Variants in BRIP1 observed in about 807,000 individuals in gnomAD.
The protein encoded by BRIP1 is BRCA1 interacting DNA helicase 1.
A neutral mutation model predicts 119.7 loss-of-function variants in BRIP1; 88 were observed. The ratio of observed to expected loss-of-function variants is 0.74; its 90% CI spans 0.62 to 0.88. The LOEUF is 0.88. Ranked by LOEUF, BRIP1 falls within the 40% of genes least tolerant of loss-of-function variation. The pLI is 0.00. For missense variants in BRIP1, 1,259 were observed against 1,455.4 expected (o/e 0.87, Z 2.20); for synonymous variants, 443 against 496.5 (o/e 0.89, Z 1.43).
At chr17:61,835,810 T>C (rs1430836123) in intron 6 of BRIP1, among the ~76,000 whole-genome samples, 2 of 152,150 alleles carry the variant, frequency 1.3e-5, no homozygotes, top group Non-Finnish European at 2.9e-5. Context: ...TAAGTGACAC[T>C]GGGACAACTG....
In BRIP1 at chr17:61,862,604, A is replaced by AT. The variant is rs1266314777; in HGVS notation, c.-31+679dup. Among the ~76,000 whole-genome samples, 1 of 152,220 alleles carries AT rather than the reference A, an allele frequency of 6.6e-6. No individual in the cohort carries two copies. Among genetic ancestry groups the AT allele is most frequent in the East Asian group, 1.9e-4 (1 of 5,204 alleles). On this transcript the variant is annotated intron_variant, in intron 1 of 19. Transcript: ENST00000259008. This position sits in a 1 kb window ranked among gnomAD's most constrained non-coding sequence, Gnocchi z 5.3. ...AGCATAAGTTTCTGTACATGATTGC[A>AT]TTTTTCTGAAGAAAAAGTCCATAGA...
intron 16 of BRIP1, among the ~76,000 whole-genome samples, chr17:61,723,626 G>A (rs536581460): frequency 1.3e-5 from 2 of 152,308 alleles, no homozygotes; most frequent in African/African-American, 4.8e-5. Flanking sequence ...CTGAGCTCAA[G>A]TGTGGTTTGG....
At position 61,845,266 on chromosome 17, in the gene BRIP1, T is replaced by C. The variant is rs1446923244; in HGVS notation, c.627+1835A>G. Among the ~76,000 whole-genome samples, 1 of 152,166 alleles carries C rather than the reference T, an allele frequency of 6.6e-6. No individual in the cohort carries two copies. The highest frequency in any genetic ancestry group is 1.5e-5 in the Non-Finnish European group (1 of 68,028). On this transcript the variant is annotated intron_variant, in intron 6 of 19. Coordinates refer to ENST00000259008, the MANE Select transcript of BRIP1 (RefSeq NM_032043.3). The surrounding 1 kb of genome is among the most constrained non-coding windows in gnomAD (Gnocchi z 4.2). ...AACAAAACACAAATTAAATGTACAG[T>C]AACTGAAAACAAATCTGTGGTTGCC...
At position 61,686,908 on chromosome 17, in the gene BRIP1, A is replaced by T. The variant is rs146450016; in HGVS notation, c.2576-743T>A. On this transcript the variant is annotated intron_variant, in intron 18 of 19. Coordinates refer to ENST00000259008, the MANE Select transcript of BRIP1 (RefSeq NM_032043.3). This position sits in a 1 kb window ranked among gnomAD's most constrained non-coding sequence, Gnocchi z 5.4. ...AATATTCCCTGCTAACACTACTAAA[A>T]CTAGCATCATCTTTTGGAGGAATTA... Among the ~76,000 whole-genome samples the T allele has an allele frequency of 3.9e-5, 6 of 152,272 alleles. No individual in the cohort carries two copies. The East Asian group carries it at 1.2e-3, about 29-fold the overall frequency.
At position 61,806,805 on chromosome 17, in the gene BRIP1, C is replaced by T. The variant is rs2078080337; in HGVS notation, c.918+1662G>A. On this transcript the variant is annotated intron_variant, in intron 7 of 19. Transcript: ENST00000259008. The surrounding 1 kb of genome is among the most constrained non-coding windows in gnomAD (Gnocchi z 4.9). ...CTCTGCCTCCTGGGTTCAAGCGATT[C>T]TCATGCCTCAGCCTCCCAAGTAGCT... Among the ~76,000 whole-genome samples the T allele has an allele frequency of 6.6e-6, 1 of 152,298 alleles. No individual in the cohort carries two copies. The highest frequency in any genetic ancestry group is 2.1e-4 in the South Asian group (1 of 4,830).
rs887817840 is a variant in BRIP1 at position 61,705,063 on chromosome 17, A to G, written c.2492+10888T>C. On this transcript the variant is annotated intron_variant, in intron 17 of 19. Coordinates refer to ENST00000259008, the MANE Select transcript of BRIP1 (RefSeq NM_032043.3). The surrounding 1 kb of genome is among the most constrained non-coding windows in gnomAD (Gnocchi z 5.0). ...AAAGCAAGCATAGAACACAATAGGTAGTTTTTCAACCCTTGCTTCCCTCCT... is the reference window on the plus strand; with the variant it reads ...AAAGCAAGCATAGAACACAATAGGTGGTTTTTCAACCCTTGCTTCCCTCCT... Among the ~76,000 whole-genome samples, 9 of 152,164 alleles carry G rather than the reference A, an allele frequency of 5.9e-5. No individual in the cohort carries two copies. Among genetic ancestry groups the G allele is most frequent in the African/African-American group, 2.2e-4 (9 of 41,450 alleles).
intron 10 of BRIP1, among the ~76,000 whole-genome samples, chr17:61,785,375 C>T (rs971495631): frequency 3.3e-5 from 5 of 151,882 alleles, no homozygotes; most frequent in African/African-American, 4.8e-5. Flanking sequence ...GAGTATGTTC[C>T]CCACATTGTA....
rs951668564 is a variant in BRIP1 at position 61,680,144 on chromosome 17, A to T, written c.*3152T>A. Among the ~76,000 whole-genome samples, 6 of 150,982 alleles carry T rather than the reference A, an allele frequency of 4.0e-5. No homozygotes were observed. The highest frequency in any genetic ancestry group is 4.2e-4 in the South Asian group (2 of 4,754). ...GATCACTTGAGGTCAGGAGTTTGAGACCAGCCTGGCCAACATGGTGAAACC... is the reference window on the plus strand; with the variant it reads ...GATCACTTGAGGTCAGGAGTTTGAGTCCAGCCTGGCCAACATGGTGAAACC... On this transcript the variant is annotated 3_prime_UTR_variant, in exon 20 of 20. Coordinates refer to ENST00000259008, the MANE Select transcript of BRIP1 (RefSeq NM_032043.3).
chr17:61,841,879 G>A lies in BRIP1; in HGVS notation c.627+5222C>T, dbSNP rs760359907. On this transcript the variant is annotated intron_variant, in intron 6 of 19. Coordinates refer to ENST00000259008, the MANE Select transcript of BRIP1 (RefSeq NM_032043.3). This position sits in a 1 kb window ranked among gnomAD's most constrained non-coding sequence, Gnocchi z 4.1. ...AAAATTTTGTACAGATGGGGTTCTCGCTATGTTGCCGGGGCTGGTCTCAAA... is the reference window on the plus strand; with the variant it reads ...AAAATTTTGTACAGATGGGGTTCTCACTATGTTGCCGGGGCTGGTCTCAAA... Among the ~76,000 whole-genome samples the A allele has an allele frequency of 4.6e-5, 7 of 152,098 alleles. No homozygotes were observed. Among genetic ancestry groups the A allele is most frequent in the Non-Finnish European group, 7.4e-5 (5 of 67,996 alleles).
rs899022954 is a variant in BRIP1 at position 61,784,681 on chromosome 17, A to T, written c.1474-257T>A. Among the ~76,000 whole-genome samples the T allele has an allele frequency of 3.9e-5, 6 of 152,074 alleles. No individual in the cohort carries two copies. In the East Asian group the frequency reaches 1.2e-3, roughly 29 times the overall value. ...AGATTAACGCCCTCCCTAAGTAGAG[A>T]GGGGGTGAGTTAGTGCTCTGTTAGT... On this transcript the variant is annotated intron_variant, in intron 10 of 19. Coordinates refer to ENST00000259008, the MANE Select transcript of BRIP1 (RefSeq NM_032043.3).
Position 61,774,440 on chromosome 17 carries a change from T to C in BRIP1, c.2097+1961A>G, listed in dbSNP as rs1398650035. 6.6e-6 allele frequency among the ~76,000 whole-genome samples: 1 copy of C among 151,784 alleles called. No individual in the cohort carries two copies. The highest frequency in any genetic ancestry group is 1.5e-5 in the Non-Finnish European group (1 of 67,960). ...TCACACACTGGGGCCTGTTCTGGGG[T>C]GGGGGCCTAGGGGAGGGATAGCATT... On this transcript the variant is annotated intron_variant, in intron 14 of 19. Transcript: ENST00000259008. This position sits in a 1 kb window ranked among gnomAD's most constrained non-coding sequence, Gnocchi z 5.8.
intron 14 of BRIP1, among the ~76,000 whole-genome samples, chr17:61,771,915 T>C (rs545502751): frequency 6.6e-6 from 1 of 152,086 alleles, no homozygotes. Context: ...TGAGCTGAGA[T>C]GATGCCACTG....
At position 61,684,233 on chromosome 17, in the gene BRIP1, A is replaced by C; in HGVS notation, c.2906-93T>G. ...AATTATTTATTAGAAATACCTAAAT[A>C]ACTGTATAGGATACATAACTTAGAG... On this transcript the variant is annotated intron_variant, in intron 19 of 19. Transcript: ENST00000259008. This position sits in a 1 kb window ranked among gnomAD's most constrained non-coding sequence, Gnocchi z 4.5. 1 of 1,402,758 alleles carries C rather than the reference A, an allele frequency of 7.1e-7. No individual in the cohort carries two copies. The highest frequency in any genetic ancestry group is 2.4e-5 in the East Asian group (1 of 41,218). The allele number at this position is 1,402,758 out of a possible 1,614,324, so 86.9% of individuals were successfully genotyped here.
intron 6 of BRIP1, among the ~76,000 whole-genome samples, chr17:61,820,184 T>C (rs1223472260): frequency 1.3e-5 from 2 of 152,176 alleles, no homozygotes; most frequent in Non-Finnish European, 2.9e-5. Context: ...AATTTACAGT[T>C]GAATTAAAGA....
In BRIP1 at chr17:61,736,916, T is replaced by C. The variant is rs1014930594; in HGVS notation, c.2379+6097A>G. Reference sequence around the variant, plus strand: ...CTTTTGAATTGCAATTCCTCTGTTTTCCCTATATTATTTAAAAGGCAAATG... The same window carrying C: ...CTTTTGAATTGCAATTCCTCTGTTTCCCCTATATTATTTAAAAGGCAAATG... On this transcript the variant is annotated intron_variant, in intron 16 of 19. Coordinates refer to ENST00000259008, the MANE Select transcript of BRIP1 (RefSeq NM_032043.3). This position sits in a 1 kb window ranked among gnomAD's most constrained non-coding sequence, Gnocchi z 4.4. Among the ~76,000 whole-genome samples the C allele has an allele frequency of 2.0e-5, 3 of 152,126 alleles. No homozygotes were observed. The highest frequency in any genetic ancestry group is 7.2e-5 in the African/African-American group (3 of 41,442).
At chr17:61,826,199 T>C (rs2078404684) in intron 6 of BRIP1, among the ~76,000 whole-genome samples, 1 of 152,156 alleles carries the variant, frequency 6.6e-6, no homozygotes, top group Non-Finnish European at 1.5e-5. Flanking sequence ...GCTAGGCATA[T>C]GTAGAAGATT....
chr17:61,795,574 T>C lies in BRIP1; in HGVS notation c.1341-1845A>G. On this transcript the variant is annotated intron_variant, in intron 9 of 19. Transcript: ENST00000259008. The surrounding 1 kb of genome is among the most constrained non-coding windows in gnomAD (Gnocchi z 5.6). ...CCAATTTTATCCATTTTGTTGCAAA[T>C]GACAGGATCTCCTTCTGTGTTATGG... Among the ~76,000 whole-genome samples, 1 of 152,162 alleles carries C rather than the reference T, an allele frequency of 6.6e-6. No homozygotes were observed. The highest frequency in any genetic ancestry group is 2.4e-5 in the African/African-American group (1 of 41,456).
rs990535269 is a variant in BRIP1, at chr17:61,776,102, G to A, written c.2097+299C>T. Reference sequence around the variant, plus strand: ...TCACCATGTTCTCCAGGCTGGTCTCGAACTCCTGGGCTCAAGTGATCCTCC... The same window carrying A: ...TCACCATGTTCTCCAGGCTGGTCTCAAACTCCTGGGCTCAAGTGATCCTCC... On this transcript the variant is annotated intron_variant, in intron 14 of 19. Coordinates refer to ENST00000259008, the MANE Select transcript of BRIP1 (RefSeq NM_032043.3). This position sits in a 1 kb window ranked among gnomAD's most constrained non-coding sequence, Gnocchi z 5.0. 4.4e-5 allele frequency: 16 copies of A among 361,348 alleles called. No individual in the cohort carries two copies. The highest frequency in any genetic ancestry group is 1.9e-4 in the African/African-American group (9 of 47,468). 22.4% of individuals were successfully genotyped at this position (361,348 alleles called of 1,614,324 possible).
rs576772199 is a variant in BRIP1 at position 61,725,915 on chromosome 17, C to A, written c.2380-9852G>T. Reference sequence around the variant, plus strand: ...GCTGTGGGATTAAGGTGTTATCCACCATGCCTGGCCTAAAAAATTCTTTTT... The same window carrying A: ...GCTGTGGGATTAAGGTGTTATCCACAATGCCTGGCCTAAAAAATTCTTTTT... On this transcript the variant is annotated intron_variant, in intron 16 of 19. Coordinates refer to ENST00000259008, the MANE Select transcript of BRIP1 (RefSeq NM_032043.3). This position sits in a 1 kb window ranked among gnomAD's most constrained non-coding sequence, Gnocchi z 5.3. 6.6e-6 allele frequency among the ~76,000 whole-genome samples: 1 copy of A among 152,284 alleles called. No homozygotes were observed. Among genetic ancestry groups the A allele is most frequent in the African/African-American group, 2.4e-5 (1 of 41,544 alleles).
Sources: allele counts gnomAD v4.1 joint callset (sites outside exome capture counted in the v4.1 genomes callset), GRCh38; gene constraint gnomAD v4.1.1; non-coding constraint Gnocchi (gnomAD v3.1); transcripts MANE v1.5; gene names NCBI Gene and HGNC (gene_info 2026-07-23, HGNC 2026-07-21).